GRM1: variants seen among roughly 807,000 people sequenced by gnomAD.
GRM1 encodes the protein metabotropic glutamate receptor 1.
A neutral mutation model predicts 90.9 loss-of-function variants in GRM1; 33 were observed. The observed-to-expected ratio is 0.36, with a 90% CI of 0.28 to 0.49. The LOEUF (loss-of-function observed/expected upper bound fraction) is 0.49. Among genes scored for constraint, GRM1 ranks in the 20% least tolerant of loss-of-function variants. The pLI is 0.99. For synonymous variants in GRM1, 700 were observed against 613.2 expected (o/e 1.14, Z -2.09); for missense variants, 1,190 against 1,534.3 (o/e 0.78, Z 3.75).
chr6:146,239,843 G>A lies in GRM1; in HGVS notation c.951-64768G>A, dbSNP rs73575041. ...GTATCCTTTTTTTAAAGTTCCCCCC[G>A]GAGATTCAGGAACCGAATTATCACT... On this transcript the variant is annotated intron_variant, in intron 2 of 7. Coordinates refer to ENST00000282753, the MANE Select transcript of GRM1 (RefSeq NM_001278064.2). Among the ~76,000 whole-genome samples, 1,324 of 152,034 alleles carry A rather than the reference G, an allele frequency of 8.7e-3. 20 individuals are homozygous for A. The highest frequency in any genetic ancestry group is 0.03 in the African/African-American group (1,255 of 41,470).
chr6:146,234,700 A>C (rs1403075345), intron 2 of GRM1, among the ~76,000 whole-genome samples: 1 of 152,124 alleles, frequency 6.6e-6, no homozygotes, highest in Non-Finnish European at 1.5e-5. Context: ...ATTATCTTTT[A>C]GAAAAACTAA....
Position 146,360,857 on chromosome 6 carries a change from G to A in GRM1, c.1602+3163G>A, listed in dbSNP as rs143634240. Among the ~76,000 whole-genome samples the A allele has an allele frequency of 7.2e-5, 11 of 152,294 alleles. No individual in the cohort carries two copies. The East Asian group carries it at 1.9e-3, about 27-fold the overall frequency. Reference sequence around the variant, plus strand: ...GGGGAAAGGGAAGTGAGGTATGGAAGGATGGGGAAAAGCAAAACAAACAAA... The same window carrying A: ...GGGGAAAGGGAAGTGAGGTATGGAAAGATGGGGAAAAGCAAAACAAACAAA... On this transcript the variant is annotated intron_variant, in intron 5 of 7. Transcript: ENST00000282753.
chr6:146,389,181 T>C (rs965384410), intron 6 of GRM1, among the ~76,000 whole-genome samples: 1 of 152,040 alleles, frequency 6.6e-6, no homozygotes, highest in Non-Finnish European at 1.5e-5. Context: ...GTCATTCCAC[T>C]CATCTGTTTG....
intron 7 of GRM1, among the ~76,000 whole-genome samples, chr6:146,401,029 T>C (rs1481469108): frequency 6.6e-6 from 1 of 152,152 alleles, no homozygotes; most frequent in Non-Finnish European, 1.5e-5. Context: ...ATGATACTTC[T>C]CACTTTAACA....
chr6:146,043,657 A>G (rs78941206), intron 1 of GRM1, among the ~76,000 whole-genome samples: 7 of 151,464 alleles, frequency 4.6e-5, no homozygotes, highest in Non-Finnish European at 1.0e-4. Flanking sequence ...TTAATGCTCA[A>G]TCACAGAATA....
intron 5 of GRM1, among the ~76,000 whole-genome samples, chr6:146,372,636 G>A (rs1466726067): frequency 6.6e-5 from 10 of 151,510 alleles, no homozygotes; most frequent in Non-Finnish European, 1.5e-5. Context: ...TGATTTTTGT[G>A]TATGGGGAGA....
chr6:146,390,840 T>G (rs929400640), intron 6 of GRM1, among the ~76,000 whole-genome samples: 1 of 152,030 alleles, frequency 6.6e-6, no homozygotes, highest in Admixed American at 6.6e-5. Flanking sequence ...AGTCCTACAA[T>G]AGAGTTATGG....
intron 2 of GRM1, among the ~76,000 whole-genome samples, chr6:146,246,540 G>A (rs559468193): frequency 2.0e-5 from 3 of 152,310 alleles, no homozygotes; most frequent in African/African-American, 7.2e-5. Flanking sequence ...TTTATTAATA[G>A]CTATACCTTG....
At chr6:146,359,684 G>A (rs554358868) in intron 5 of GRM1, among the ~76,000 whole-genome samples, 1 of 152,246 alleles carries the variant, frequency 6.6e-6, no homozygotes, top group East Asian at 1.9e-4. Flanking sequence ...CCAGAGGAGA[G>A]GCCTTTGTTC....
chr6:146,328,970 C>G (rs1384847669), intron 3 of GRM1, among the ~76,000 whole-genome samples: 1 of 152,184 alleles, frequency 6.6e-6, no homozygotes, highest in African/African-American at 2.4e-5. Context: ...GCAGCCTGAC[C>G]TGTCCATCTG....
At chr6:146,275,477 T>A (rs938987734) in intron 2 of GRM1, among the ~76,000 whole-genome samples, 1 of 152,002 alleles carries the variant, frequency 6.6e-6, no homozygotes, top group African/African-American at 2.4e-5. Context: ...TTTGCTCTAG[T>A]TTCCCCCCAC....
At chr6:146,260,194 G>A (rs1781638008) in intron 2 of GRM1, among the ~76,000 whole-genome samples, 1 of 151,332 alleles carries the variant, frequency 6.6e-6, no homozygotes, top group South Asian at 2.1e-4. Context: ...AGTGTGTGAT[G>A]TTCACCTCCC....
At chr6:146,138,325 C>T (rs999583019) in intron 1 of GRM1, among the ~76,000 whole-genome samples, 2 of 151,714 alleles carry the variant, frequency 1.3e-5, no homozygotes, top group Non-Finnish European at 2.9e-5. Context: ...GTAGATGTAT[C>T]GTCCTTCTAT....
intron 3 of GRM1, among the ~76,000 whole-genome samples, chr6:146,341,477 C>T (rs976778778): frequency 6.6e-6 from 1 of 152,092 alleles, no homozygotes; most frequent in Non-Finnish European, 1.5e-5. Context: ...GACAAATAAG[C>T]ACCTGACCAC....
intron 3 of GRM1, among the ~76,000 whole-genome samples, chr6:146,331,375 T>G (rs552073562): frequency 6.6e-6 from 1 of 152,300 alleles, no homozygotes; most frequent in Admixed American, 6.5e-5. Context: ...ATTCTTGTGT[T>G]TTTACATTTT....
chr6:146,132,797 C>G (rs1399426967), intron 1 of GRM1, among the ~76,000 whole-genome samples: 1 of 152,136 alleles, frequency 6.6e-6, no homozygotes, highest in Non-Finnish European at 1.5e-5. Flanking sequence ...ACTTCAGCAC[C>G]CTGTACACAG....
intron 2 of GRM1, among the ~76,000 whole-genome samples, chr6:146,240,088 A>G (rs1026098838): frequency 6.6e-6 from 1 of 152,114 alleles, no homozygotes; most frequent in Non-Finnish European, 1.5e-5. Flanking sequence ...CCTTAGAACC[A>G]TGCTGGTGGG....
At chr6:146,132,931 A>G (rs1697447140) in intron 1 of GRM1, among the ~76,000 whole-genome samples, 1 of 152,198 alleles carries the variant, frequency 6.6e-6, no homozygotes, top group African/African-American at 2.4e-5. Context: ...ATGCTGGAAA[A>G]CATTGAACAA....
intron 2 of GRM1, among the ~76,000 whole-genome samples, chr6:146,222,747 CG>C (rs1406724283): frequency 6.6e-6 from 1 of 151,996 alleles, no homozygotes; most frequent in Non-Finnish European, 1.5e-5. Flanking sequence ...ACCAAATATC[CG>C]GGTACCCTGT....
Sources: allele counts gnomAD v4.1 joint callset (sites outside exome capture counted in the v4.1 genomes callset), GRCh38; gene constraint gnomAD v4.1.1; transcripts MANE v1.5; gene names NCBI Gene and HGNC (gene_info 2026-07-23, HGNC 2026-07-21).